PAPSS1: variants seen among roughly 807,000 people sequenced by gnomAD.
PAPSS1 encodes the protein bifunctional 3'-phosphoadenosine 5'-phosphosulfate synthase 1.
PAPSS1 carries 50 observed loss-of-function variants against 72.0 expected under a neutral mutation model. The ratio of observed to expected loss-of-function variants is 0.69; its 90% confidence interval spans 0.55 to 0.88. The LOEUF (loss-of-function observed/expected upper bound fraction) is 0.88, where lower values mean the gene tolerates loss of function less well. PAPSS1 is among the 40% of genes least tolerant of loss of function. PAPSS1 has a pLI of 0.00. For synonymous variants in PAPSS1, 261 were observed against 263.6 expected (o/e 0.99, Z 0.09); for missense variants, 657 against 782.2 (o/e 0.84, Z 1.91).
At chr4:107,692,703 C>T (rs140154896) in intron 3 of PAPSS1, among the ~76,000 whole-genome samples, 5 of 152,018 alleles carry the variant, frequency 3.3e-5, no homozygotes, top group African/African-American at 9.7e-5. Context: ...CACTGCAACA[C>T]TATTCACAGT....
At chr4:107,700,153 CAA>C (rs1723170729) in intron 2 of PAPSS1, among the ~76,000 whole-genome samples, 1 of 151,860 alleles carries the variant, frequency 6.6e-6, no homozygotes, top group Non-Finnish European at 1.5e-5. Context: ...ATTAAAAAAA[CAA>C]AAGAGTAACT....
At chr4:107,657,075 T>C (rs1468315754) in intron 6 of PAPSS1, 68 bp from the exon 7 acceptor site, 2 of 941,240 alleles carry the variant, frequency 2.1e-6, no homozygotes, top group Non-Finnish European at 3.5e-6. Context: ...AGTGATGACC[T>C]TTAGGAATTT....
At chr4:107,647,820 T>C (rs1340247962) in intron 9 of PAPSS1, among the ~76,000 whole-genome samples, 1 of 152,204 alleles carries the variant, frequency 6.6e-6, no homozygotes, top group Non-Finnish European at 1.5e-5. Flanking sequence ...AATTCCTTCT[T>C]GACAGACTCA....
chr4:107,698,273 C>A (rs1486017884), intron 2 of PAPSS1, among the ~76,000 whole-genome samples: 1 of 152,106 alleles, frequency 6.6e-6, no homozygotes, highest in Non-Finnish European at 1.5e-5. Flanking sequence ...AAGAAAAAAA[C>A]AAATCTTGAC....
At chr4:107,634,315 C>G (rs1726302974) in intron 10 of PAPSS1, among the ~76,000 whole-genome samples, 2 of 152,094 alleles carry the variant, frequency 1.3e-5, no homozygotes. Context: ...CGTGCCTGGC[C>G]ATTAAATAGT....
chr4:107,634,959 A>G lies in PAPSS1; in HGVS notation c.1507-3099T>C, dbSNP rs574269407. On this transcript the variant is annotated intron_variant, in intron 10 of 11. Transcript: ENST00000265174. ...ACTACAGGCGCCCGCTACCACGCCC[A>G]GCTAATTTTTTTGTATTTTTAGTAG... Among the ~76,000 whole-genome samples, 1,249 of 151,350 alleles carry G rather than the reference A, an allele frequency of 8.3e-3. 10 individuals are homozygous for G. The highest frequency in any genetic ancestry group is 0.012 in the Non-Finnish European group (813 of 67,704).
At position 107,646,292 on chromosome 4, in the gene PAPSS1, G is replaced by GATATATAT. The variant is rs527908552; in HGVS notation, c.1238-1230_1238-1223dup. Among the ~76,000 whole-genome samples the GATATATAT allele has an allele frequency of 9.8e-5, 14 of 142,890 alleles. No homozygotes were observed. In the South Asian group the frequency reaches 1.1e-3, roughly 11 times the overall value. 93.7% of individuals were successfully genotyped at this position (142,890 alleles called of 152,430 possible). ...ATCCCTTTTGACCACTAGAACTACA[G>GATATATAT]ATATATATATATATATATACACACA... is the stretch of plus-strand genomic sequence containing the variant. On this transcript the variant is annotated intron_variant, in intron 9 of 11. Coordinates refer to ENST00000265174, the MANE Select transcript of PAPSS1 (RefSeq NM_005443.5).
At chr4:107,644,760 G>C (rs764565557) in intron 10 of PAPSS1, 42 bp downstream of exon 10, 1 of 1,552,824 alleles carries the variant, frequency 6.4e-7, no homozygotes, top group South Asian at 1.2e-5. Context: ...TAGTAAGAGT[G>C]GCTTTAACAC....
intron 8 of PAPSS1, among the ~76,000 whole-genome samples, chr4:107,654,395 T>C (rs187544086): frequency 3.3e-5 from 5 of 152,292 alleles, no homozygotes; most frequent in East Asian, 1.9e-4. Flanking sequence ...CACGACGAGA[T>C]TGTATACTCC....
intron 11 of PAPSS1, among the ~76,000 whole-genome samples, chr4:107,627,222 C>A (rs901196413): frequency 2.0e-5 from 3 of 152,180 alleles, no homozygotes; most frequent in African/African-American, 7.2e-5. Context: ...AAAAGCTCAA[C>A]TCTTTTTAGT....
intron 4 of PAPSS1, among the ~76,000 whole-genome samples, chr4:107,686,523 G>A (rs1722791210): frequency 6.6e-6 from 1 of 152,036 alleles, no homozygotes; most frequent in Non-Finnish European, 1.5e-5. Context: ...AGATGTGGAG[G>A]GTCAGCTGTA....
In PAPSS1 at chr4:107,711,725, G is replaced by A. The variant is rs558337082; in HGVS notation, c.60+8395C>T. Reference sequence around the variant, plus strand: ...ATCGTAACAATATGGATAAATGAGAGACTGTAGAATACAATGAAAAGAAAT... The same window carrying A: ...ATCGTAACAATATGGATAAATGAGAAACTGTAGAATACAATGAAAAGAAAT... On this transcript the variant is annotated intron_variant, in intron 1 of 11. Coordinates refer to ENST00000265174, the MANE Select transcript of PAPSS1 (RefSeq NM_005443.5). 2.2e-3 allele frequency among the ~76,000 whole-genome samples: 329 copies of A among 152,296 alleles called. 1 individual carries two copies. The highest frequency in any genetic ancestry group is 7.8e-3 in the African/African-American group (324 of 41,568).
At chr4:107,707,499 C>CG (rs1410741499) in intron 1 of PAPSS1, among the ~76,000 whole-genome samples, 3 of 152,132 alleles carry the variant, frequency 2.0e-5, no homozygotes, top group Admixed American at 6.5e-5. Flanking sequence ...TCTGGGGCTA[C>CG]GGGGGCCTGC....
At chr4:107,621,086 G>C (rs1028280833) in intron 11 of PAPSS1, among the ~76,000 whole-genome samples, 2 of 152,118 alleles carry the variant, frequency 1.3e-5, no homozygotes, top group African/African-American at 4.8e-5. Flanking sequence ...AAGAGGAGTG[G>C]GAAGAAATGG....
intron 5 of PAPSS1, among the ~76,000 whole-genome samples, chr4:107,666,944 A>T (rs755157468): frequency 4.6e-5 from 7 of 152,084 alleles, no homozygotes; most frequent in Admixed American, 6.6e-5. Context: ...CCCCTAAGTG[A>T]TCAATGTGCC....
chr4:107,653,973 A>C (rs1251889134), intron 8 of PAPSS1, among the ~76,000 whole-genome samples: 1 of 152,188 alleles, frequency 6.6e-6, no homozygotes, highest in Non-Finnish European at 1.5e-5. Context: ...CTCCAATCCT[A>C]ACCTTTTGAA....
intron 9 of PAPSS1, among the ~76,000 whole-genome samples, chr4:107,652,671 T>C (rs566066776): frequency 3.4e-3 from 522 of 152,298 alleles, no homozygotes; most frequent in Middle Eastern, 6.8e-3. Flanking sequence ...TGATAAAAGT[T>C]CCGTTGTTCC....
chr4:107,670,145 T>C (rs1317900979), intron 5 of PAPSS1, among the ~76,000 whole-genome samples: 1 of 152,168 alleles, frequency 6.6e-6, no homozygotes, highest in East Asian at 1.9e-4. Flanking sequence ...ACAGAACAAG[T>C]TATTTTAAAA....
At chr4:107,667,383 A>G (rs1727347750) in intron 5 of PAPSS1, among the ~76,000 whole-genome samples, 2 of 152,168 alleles carry the variant, frequency 1.3e-5, no homozygotes, top group South Asian at 2.1e-4. Flanking sequence ...CTAGCCAATG[A>G]TCAAACCTGG....
Sources: allele counts gnomAD v4.1 joint callset (sites outside exome capture counted in the v4.1 genomes callset), GRCh38; gene constraint gnomAD v4.1.1; transcripts MANE v1.5; gene names NCBI Gene and HGNC (gene_info 2026-07-23, HGNC 2026-07-21).